MICAL3: variants seen among roughly 807,000 people sequenced by gnomAD.
The protein encoded by MICAL3 is [F-actin]-monooxygenase MICAL3.
MICAL3 carries 62 observed loss-of-function variants against 207.4 expected under a neutral mutation model. The observed-to-expected ratio is 0.30, with a 90% CI of 0.24 to 0.37. The LOEUF is 0.37. MICAL3 is among the 10% of genes least tolerant of loss of function. The pLI is 1.00. For missense variants in MICAL3, 2,368 were observed against 2,635.6 expected, an observed-to-expected ratio of 0.90 and a Z score of 2.22; for synonymous variants, 1,077 against 1,069.3, an observed-to-expected ratio of 1.01 and a Z score of -0.14.
chr22:17,878,785 C>A (rs374416929), intron 16 of MICAL3, among the ~76,000 whole-genome samples: 2 of 152,312 alleles, frequency 1.3e-5, no homozygotes, highest in African/African-American at 4.8e-5. Context: ...TTTCTCCCCT[C>A]AGTGTTTCAG....
chr22:17,808,752 G>T lies in MICAL3; in HGVS notation c.5650+92C>A, dbSNP rs1601941752. The T allele has an allele frequency of 2.2e-5, 23 of 1,033,610 alleles. No homozygotes were observed. In the East Asian group the frequency reaches 5.8e-4, roughly 26 times the overall value. 64.0% of individuals were successfully genotyped at this position (1,033,610 alleles called of 1,614,324 possible). A position where few individuals can be genotyped will look rare whatever the true frequency, so the allele number is the denominator to read the frequency against. On this transcript the variant is annotated intron_variant, in intron 29 of 31. Coordinates refer to ENST00000441493, the MANE Select transcript of MICAL3 (RefSeq NM_015241.3). ...AGAAAATCCTGCTGGAAAAGGAGCTGAATTCCAGGTGAGGTGAAGCAAAAC... is the reference window on the plus strand; with the variant it reads ...AGAAAATCCTGCTGGAAAAGGAGCTTAATTCCAGGTGAGGTGAAGCAAAAC...
intron 21 of MICAL3, among the ~76,000 whole-genome samples, chr22:17,829,479 C>T (rs777912810): frequency 3.9e-5 from 6 of 152,182 alleles, no homozygotes; most frequent in Non-Finnish European, 7.4e-5. Context: ...GTCAATTTGC[C>T]TTTCTTTATG....
chr22:18,016,523 A>G (rs932341585), intron 1 of MICAL3, among the ~76,000 whole-genome samples: 1 of 152,086 alleles, frequency 6.6e-6, no homozygotes, highest in Non-Finnish European at 1.5e-5. Flanking sequence ...TCTCCCTCCA[A>G]ACAGCCCTTG....
At chr22:17,899,948 G>A (rs1180481232) in intron 6 of MICAL3, among the ~76,000 whole-genome samples, 5 of 152,190 alleles carry the variant, frequency 3.3e-5, no homozygotes, top group South Asian at 2.1e-4. Flanking sequence ...ACAACTTGAC[G>A]CCTGGAAGCA....
At chr22:17,928,097 C>T (rs1933006745) in intron 1 of MICAL3, among the ~76,000 whole-genome samples, 1 of 152,174 alleles carries the variant, frequency 6.6e-6, no homozygotes, top group Non-Finnish European at 1.5e-5. Flanking sequence ...TGGACACATT[C>T]ACCCACTGCA....
chr22:18,008,207 C>G (rs190068542), intron 1 of MICAL3, among the ~76,000 whole-genome samples: 133 of 152,174 alleles, frequency 8.7e-4, no homozygotes, highest in Non-Finnish European at 5.6e-4. Flanking sequence ...CCATTGCACT[C>G]CAGCCTGGGT....
In MICAL3 at chr22:17,928,267, G is replaced by A. The variant is rs190722054; in HGVS notation, c.-74-21381C>T. ...ATCCTGGCTAACACGGTGAAACCCC[G>A]CCTCTACTAAAAATACAAAAAATTA... On this transcript the variant is annotated intron_variant, in intron 1 of 31. Coordinates refer to ENST00000441493, the MANE Select transcript of MICAL3 (RefSeq NM_015241.3). Among the ~76,000 whole-genome samples the A allele has an allele frequency of 4.0e-4, 61 of 152,120 alleles. No homozygotes were observed. The East Asian group carries it at 0.01, about 26-fold the overall frequency.
At chr22:17,856,944 C>G (rs1925981557) in intron 19 of MICAL3, among the ~76,000 whole-genome samples, 1 of 152,110 alleles carries the variant, frequency 6.6e-6, no homozygotes, top group South Asian at 2.1e-4. Flanking sequence ...TTTAAAAGAA[C>G]CTACTGACCT....
rs1454156316 is a variant in MICAL3 at position 17,835,217 on chromosome 22, CCG to C, written c.2802-3112_2802-3111del. ...AGACAGCAGAAAGCAACCCTCACCTCCGTGCATCAGCTGGTTTCACAACAGCT... is the reference window on the plus strand; with the variant it reads ...AGACAGCAGAAAGCAACCCTCACCTCTGCATCAGCTGGTTTCACAACAGCT... On this transcript the variant is annotated intron_variant, in intron 20 of 31. Coordinates refer to ENST00000441493, the MANE Select transcript of MICAL3 (RefSeq NM_015241.3). 3.9e-3 allele frequency among the ~76,000 whole-genome samples: 399 copies of C among 103,186 alleles called. 1 individual carries two copies. Among genetic ancestry groups the C allele is most frequent in the Admixed American group, 8.6e-3 (95 of 11,066 alleles). The allele number at this position is 103,186 out of a possible 152,430, so 67.7% of individuals were successfully genotyped here. A position where few individuals can be genotyped will look rare whatever the true frequency, so the allele number is the denominator to read the frequency against.
At chr22:17,850,990 T>G (rs746492541) in intron 19 of MICAL3, among the ~76,000 whole-genome samples, 1 of 152,156 alleles carries the variant, frequency 6.6e-6, no homozygotes, top group Non-Finnish European at 1.5e-5. Context: ...GATGGCTGCT[T>G]CTTGGCGTTG....
chr22:18,002,005 C>T (rs1304283725), intron 1 of MICAL3, among the ~76,000 whole-genome samples: 2 of 151,618 alleles, frequency 1.3e-5, no homozygotes, highest in East Asian at 3.9e-4. Flanking sequence ...CAAGACCAGC[C>T]GGGCCAACAT....
At chr22:17,853,019 G>A (rs150815439) in intron 19 of MICAL3, among the ~76,000 whole-genome samples, 2,318 of 151,216 alleles carry the variant, frequency 0.015, 61 homozygotes, top group African/African-American at 0.051. Flanking sequence ...AGGCTGCAGT[G>A]AGCCAAGATC....
chr22:17,968,679 G>C (rs1257582573), intron 1 of MICAL3, among the ~76,000 whole-genome samples: 2 of 152,074 alleles, frequency 1.3e-5, no homozygotes, highest in Admixed American at 6.6e-5. Context: ...CCAACGAGCC[G>C]CTGAAAGAAA....
chr22:18,002,307 C>G (rs1372217245), intron 1 of MICAL3, among the ~76,000 whole-genome samples: 2 of 151,736 alleles, frequency 1.3e-5, no homozygotes, highest in African/African-American at 2.4e-5. Context: ...GGGGGAATTT[C>G]AAATTTTTGG....
intron 16 of MICAL3, chr22:17,876,949 A>C (rs1396249670): frequency 1.3e-4 from 17 of 127,480 alleles, no homozygotes; most frequent in East Asian, 2.4e-4. Flanking sequence ...GAGGTTATGG[A>C]GGTTATGGAG....
At chr22:17,815,546 G>C (rs542911435) in intron 27 of MICAL3, 2 of 152,442 alleles carry the variant, frequency 1.3e-5, no homozygotes, top group African/African-American at 4.8e-5. Flanking sequence ...AGCTCGACTG[G>C]AAGCCTTGAT....
At chr22:17,949,548 A>G (rs1390872025) in intron 1 of MICAL3, among the ~76,000 whole-genome samples, 1 of 152,166 alleles carries the variant, frequency 6.6e-6, no homozygotes, top group African/African-American at 2.4e-5. Flanking sequence ...AAATGTATTA[A>G]CTATGCCCTC....
At chr22:17,799,643 G>A (rs2061915936) in intron 29 of MICAL3, among the ~76,000 whole-genome samples, 1 of 152,220 alleles carries the variant, frequency 6.6e-6, no homozygotes, top group Non-Finnish European at 1.5e-5. Flanking sequence ...GCAAGGCTGA[G>A]GTCCAGTCTA....
intron 1 of MICAL3, among the ~76,000 whole-genome samples, chr22:17,969,808 G>A (rs2080966299): frequency 6.6e-6 from 1 of 152,208 alleles, no homozygotes; most frequent in Non-Finnish European, 1.5e-5. Context: ...CCCTGGGATG[G>A]GTGCATGCTT....
Sources: gnomAD v4.1 joint callset for allele counts (sites outside exome capture counted in the v4.1 genomes callset) on GRCh38, gnomAD v4.1.1 for gene constraint, MANE v1.5 for transcripts, NCBI Gene and HGNC (gene_info 2026-07-23, HGNC 2026-07-21) for gene names.